The following GALNT13 variants were observed in gnomAD, a reference collection of about 807,000 sequenced individuals.
GALNT13 encodes UDP-GalNAc:polypeptide N-acetylgalactosaminyltransferase 13.
A neutral mutation model predicts 64.2 loss-of-function variants in GALNT13; 28 were observed. The observed-to-expected ratio is 0.44, with a 90% CI of 0.32 to 0.60. GALNT13 has a LOEUF of 0.60. GALNT13 is among the 20% of genes least tolerant of loss of function. The pLI is 0.05. For missense variants in GALNT13, 577 were observed against 669.8 expected, an observed-to-expected ratio of 0.86 and a Z score of 1.53; for synonymous variants, 214 against 224.6, an observed-to-expected ratio of 0.95 and a Z score of 0.42.
intron 9 of GALNT13, among the ~76,000 whole-genome samples, chr2:154,364,621 G>A (rs1411404398): frequency 6.6e-6 from 1 of 151,848 alleles, no homozygotes; most frequent in Non-Finnish European, 1.5e-5. Flanking sequence ...TGACTATTGA[G>A]TATTGTTATC....
chr2:153,395,203 A>G, the GALNT13 span, among the ~76,000 whole-genome samples: 2 of 152,176 alleles, frequency 1.3e-5, no homozygotes, highest in African/African-American at 4.8e-5. Context: ...TGCAACATAA[A>G]TTGGTCAAGA....
At chr2:153,912,881 A>C (rs997661893) in intron 2 of GALNT13, among the ~76,000 whole-genome samples, 1 of 152,136 alleles carries the variant, frequency 6.6e-6, no homozygotes, top group South Asian at 2.1e-4. Flanking sequence ...ATCTATCCTC[A>C]TTTGCATGTG....
At chr2:154,335,279 A>G (rs2105206474) in intron 9 of GALNT13, among the ~76,000 whole-genome samples, 1 of 152,138 alleles carries the variant, frequency 6.6e-6, no homozygotes, top group Admixed American at 6.6e-5. Flanking sequence ...TTATTAATAT[A>G]CATTTCATCA....
intron 9 of GALNT13, among the ~76,000 whole-genome samples, chr2:154,354,751 G>T (rs1339268034): frequency 6.6e-6 from 1 of 151,800 alleles, no homozygotes; most frequent in Admixed American, 6.6e-5. Flanking sequence ...TTTATTTCTA[G>T]GTTCTCTTCT....
chr2:153,944,788 G>A (rs543456913), intron 3 of GALNT13, 149 bp downstream of exon 3: 1 of 604,822 alleles, frequency 1.7e-6, no homozygotes, highest in South Asian at 2.7e-5. Flanking sequence ...TAACCATGGG[G>A]AAGTTACTTT....
At chr2:154,067,997 G>A (rs1700555988) in intron 3 of GALNT13, among the ~76,000 whole-genome samples, 1 of 151,898 alleles carries the variant, frequency 6.6e-6, no homozygotes, top group Non-Finnish European at 1.5e-5. Flanking sequence ...TATATAAGGA[G>A]CACAAACAAC....
chr2:154,190,163 A>G (rs1326035460), intron 4 of GALNT13, among the ~76,000 whole-genome samples: 1 of 152,166 alleles, frequency 6.6e-6, no homozygotes. Flanking sequence ...TTCTGATTTA[A>G]TAGTGCAGTG....
chr2:153,780,936 G>GTAA, the GALNT13 span, among the ~76,000 whole-genome samples: 1 of 152,096 alleles, frequency 6.6e-6, no homozygotes, highest in South Asian at 2.1e-4. Flanking sequence ...TAAACATGAG[G>GTAA]TTACAATGCC....
the GALNT13 span, among the ~76,000 whole-genome samples, chr2:153,530,683 C>A: frequency 1.3e-5 from 2 of 151,658 alleles, no homozygotes; most frequent in African/African-American, 2.4e-5. Context: ...AAAAAAAAAT[C>A]AAAAAGAGAG....
the GALNT13 span, among the ~76,000 whole-genome samples, chr2:153,620,858 C>A: frequency 2.6e-5 from 4 of 151,878 alleles, no homozygotes; most frequent in African/African-American, 9.6e-5. Context: ...GAATTAGGCA[C>A]TTATTGTAGT....
chr2:153,603,494 C>T, the GALNT13 span, among the ~76,000 whole-genome samples: 2 of 151,904 alleles, frequency 1.3e-5, no homozygotes, highest in Non-Finnish European at 2.9e-5. Flanking sequence ...TAATTTGACT[C>T]AAGGTGATAA....
chr2:153,709,760 G>C, the GALNT13 span, among the ~76,000 whole-genome samples: 2 of 151,872 alleles, frequency 1.3e-5, no homozygotes, highest in African/African-American at 4.8e-5. Flanking sequence ...TCAACAAATG[G>C]ATACAGAAAA....
At chr2:154,379,817 G>T (rs116135010) in intron 9 of GALNT13, among the ~76,000 whole-genome samples, 1 of 151,906 alleles carries the variant, frequency 6.6e-6, no homozygotes, top group Non-Finnish European at 1.5e-5. Context: ...GAAAACAATT[G>T]CAAAGTTAAG....
chr2:153,249,778 A>C, the GALNT13 span, among the ~76,000 whole-genome samples: 1 of 152,218 alleles, frequency 6.6e-6, no homozygotes, highest in African/African-American at 2.4e-5. Context: ...CAATGAGGAA[A>C]TTATTCCATA....
At chr2:153,091,763 T>G in the GALNT13 span, among the ~76,000 whole-genome samples, 1 of 152,232 alleles carries the variant, frequency 6.6e-6, no homozygotes, top group Non-Finnish European at 1.5e-5. Flanking sequence ...GATGGGTAGT[T>G]TGCAAATAAT....
At chr2:153,272,220 A>T in the GALNT13 span, among the ~76,000 whole-genome samples, 1 of 152,206 alleles carries the variant, frequency 6.6e-6, no homozygotes, top group African/African-American at 2.4e-5. Flanking sequence ...TTCATGACTA[A>T]AACACTAAAA....
At chr2:154,262,213 A>T (rs1442016642) in intron 8 of GALNT13, among the ~76,000 whole-genome samples, 1 of 152,142 alleles carries the variant, frequency 6.6e-6, no homozygotes, top group Admixed American at 6.5e-5. Context: ...TGGAATAGCT[A>T]AGAGTTGACC....
At chr2:153,749,165 GT>G in the GALNT13 span, among the ~76,000 whole-genome samples, 1 of 151,810 alleles carries the variant, frequency 6.6e-6, no homozygotes, top group Non-Finnish European at 1.5e-5. Flanking sequence ...TTTCTGAGTT[GT>G]TTATTATGTT....
chr2:154,197,971 T>C (rs1686968551), intron 4 of GALNT13, among the ~76,000 whole-genome samples: 1 of 151,894 alleles, frequency 6.6e-6, no homozygotes, highest in Admixed American at 6.6e-5. Context: ...CCCCATTTTA[T>C]ATTCATCAGA....
Sources: allele counts gnomAD v4.1 joint callset (sites outside exome capture counted in the v4.1 genomes callset), GRCh38; gene constraint gnomAD v4.1.1; transcripts MANE v1.5; gene names NCBI Gene and HGNC (gene_info 2026-07-23, HGNC 2026-07-21).